NRG3: variants seen among roughly 807,000 people sequenced by gnomAD.
The protein encoded by NRG3 is neuregulin 3.
In NRG3, 31 loss-of-function variants were observed where a neutral mutation model predicts 66.9. That is an observed-to-expected ratio of 0.46 (90% confidence interval 0.35 to 0.63). The LOEUF is 0.63. Among genes scored for constraint, NRG3 ranks in the 20% least tolerant of loss-of-function variants. The pLI, the probability that NRG3 is intolerant of heterozygous loss-of-function variation, is 0.00. For missense variants in NRG3, 910 were observed against 878.9 expected (o/e 1.04, Z -0.45); for synonymous variants, 393 against 359.4 (o/e 1.09, Z -1.06).
At chr10:82,535,066 A>G (rs1204107409) in intron 2 of NRG3, among the ~76,000 whole-genome samples, 2 of 150,728 alleles carry the variant, frequency 1.3e-5, no homozygotes, top group African/African-American at 2.4e-5. Context: ...TAGGTGGGAG[A>G]ACTACTTGAA....
At chr10:82,323,344 A>G (rs892246073) in intron 1 of NRG3, among the ~76,000 whole-genome samples, 1 of 152,230 alleles carries the variant, frequency 6.6e-6, no homozygotes, top group African/African-American at 2.4e-5. Flanking sequence ...CTGGGACCTC[A>G]ATAGTGTCAG....
chr10:82,182,071 C>G (rs2073458492), intron 1 of NRG3, among the ~76,000 whole-genome samples: 1 of 150,756 alleles, frequency 6.6e-6, no homozygotes, highest in Non-Finnish European at 1.5e-5. Context: ...GGCCATCCTG[C>G]TCTATTTTTT....
intron 1 of NRG3, among the ~76,000 whole-genome samples, chr10:82,158,523 A>G (rs1354525606): frequency 6.6e-6 from 1 of 151,784 alleles, no homozygotes; most frequent in Non-Finnish European, 1.5e-5. Flanking sequence ...TAAAATCTCA[A>G]GTCTTTTCAT....
intron 1 of NRG3, among the ~76,000 whole-genome samples, chr10:82,284,574 C>T (rs2079308675): frequency 6.6e-6 from 1 of 152,106 alleles, no homozygotes; most frequent in Non-Finnish European, 1.5e-5. Context: ...TCAACTTTTC[C>T]ACCAAAACAA....
At chr10:82,598,572 A>G (rs531673853) in intron 2 of NRG3, among the ~76,000 whole-genome samples, 6 of 152,346 alleles carry the variant, frequency 3.9e-5, no homozygotes, top group Non-Finnish European at 5.9e-5. Flanking sequence ...GTAATGTCAC[A>G]GAAGCCAAGA....
intron 2 of NRG3, among the ~76,000 whole-genome samples, chr10:82,454,805 T>C (rs998697706): frequency 6.6e-6 from 1 of 152,142 alleles, no homozygotes; most frequent in Non-Finnish European, 1.5e-5. Context: ...AGGCAAATTG[T>C]ATATTTGGGA....
In NRG3 at chr10:82,330,635, T is replaced by A. The variant is rs78415097; in HGVS notation, c.824-28104T>A. On this transcript the variant is annotated intron_variant, in intron 1 of 8. Transcript: ENST00000372141. ...ACAGATTCCATGTGGAAATATGAGG[T>A]CAAAAATTAGAAATATTTTTAAACC... Among the ~76,000 whole-genome samples the A allele has an allele frequency of 1.5e-3, 221 of 152,346 alleles. 4 individuals are homozygous for A. The East Asian group carries it at 0.041, about 28-fold the overall frequency.
chr10:82,818,869 T>C (rs569478221), intron 3 of NRG3, among the ~76,000 whole-genome samples: 2 of 152,336 alleles, frequency 1.3e-5, no homozygotes, highest in Non-Finnish European at 2.9e-5. Flanking sequence ...AAATGTTAAA[T>C]ACATTTGATT....
chr10:82,873,995 A>G (rs1305496422), intron 4 of NRG3, among the ~76,000 whole-genome samples: 1 of 151,760 alleles, frequency 6.6e-6, no homozygotes, highest in East Asian at 1.9e-4. Flanking sequence ...TAATCTTTGT[A>G]TTTTTTAAGT....
intron 3 of NRG3, among the ~76,000 whole-genome samples, chr10:82,861,991 A>G (rs988877023): frequency 7.9e-5 from 12 of 152,198 alleles, no homozygotes; most frequent in African/African-American, 2.9e-4. Flanking sequence ...TGTCCTAGGT[A>G]CCACAGTCAG....
chr10:82,396,480 G>C (rs887106989), intron 2 of NRG3, among the ~76,000 whole-genome samples: 1 of 151,848 alleles, frequency 6.6e-6, no homozygotes, highest in Non-Finnish European at 1.5e-5. Context: ...TTGTCCATTT[G>C]ATAAATGAGT....
chr10:82,797,361 A>G (rs1013552410), intron 3 of NRG3, among the ~76,000 whole-genome samples: 1 of 152,120 alleles, frequency 6.6e-6, no homozygotes, highest in African/African-American at 2.4e-5. Flanking sequence ...CTGCATTTCA[A>G]ATAAACCCCT....
Position 82,368,087 on chromosome 10 carries a change from A to G in NRG3, c.953+9219A>G, listed in dbSNP as rs920820733. Among the ~76,000 whole-genome samples, 3 of 104,832 alleles carry G rather than the reference A, an allele frequency of 2.9e-5. No homozygotes were observed. The South Asian group carries it at 7.5e-4, about 26-fold the overall frequency. The allele number at this position is 104,832 out of a possible 152,430, so 68.8% of individuals were successfully genotyped here. On this transcript the variant is annotated intron_variant, in intron 2 of 8. Coordinates refer to ENST00000372141, the MANE Select transcript of NRG3 (RefSeq NM_001010848.4). ...TCTTATCTGTGAAGTGGGAAAAACA[A>G]TATTACTACTTCCCAGGATTATTTG...
chr10:82,482,686 G>C (rs955030610), intron 2 of NRG3, among the ~76,000 whole-genome samples: 1 of 152,126 alleles, frequency 6.6e-6, no homozygotes, highest in Non-Finnish European at 1.5e-5. Context: ...AGGGCCAGCC[G>C]CCTATTATAA....
At chr10:82,796,526 A>C (rs181156043) in intron 3 of NRG3, among the ~76,000 whole-genome samples, 1 of 152,354 alleles carries the variant, frequency 6.6e-6, no homozygotes, top group East Asian at 1.9e-4. Flanking sequence ...TTGAGAGAAA[A>C]CCAAAATTTA....
At chr10:82,173,890 T>C in intron 1 of NRG3, among the ~76,000 whole-genome samples, 1 of 152,148 alleles carries the variant, frequency 6.6e-6, no homozygotes, top group Non-Finnish European at 1.5e-5. Flanking sequence ...CTGAGACCTT[T>C]AAAGTAATTT....
intron 3 of NRG3, among the ~76,000 whole-genome samples, chr10:82,777,424 T>C (rs1591490978): frequency 6.6e-6 from 1 of 152,156 alleles, no homozygotes; most frequent in African/African-American, 2.4e-5. Flanking sequence ...AGAGTGGCTG[T>C]AGAGCTGAGG....
At chr10:82,543,767 T>C (rs1407745036) in intron 2 of NRG3, among the ~76,000 whole-genome samples, 1 of 152,222 alleles carries the variant, frequency 6.6e-6, no homozygotes, top group East Asian at 1.9e-4. Context: ...AAGGATTCAT[T>C]CGTTCAGCTC....
intron 1 of NRG3, among the ~76,000 whole-genome samples, chr10:81,905,628 A>G (rs908059730): frequency 6.6e-6 from 1 of 152,176 alleles, no homozygotes; most frequent in Non-Finnish European, 1.5e-5. Flanking sequence ...TACTTTTGTC[A>G]TAATTTTTGG....
Sources: gnomAD v4.1 joint callset for allele counts (sites outside exome capture counted in the v4.1 genomes callset) on GRCh38, gnomAD v4.1.1 for gene constraint, MANE v1.5 for transcripts, NCBI Gene and HGNC (gene_info 2026-07-23, HGNC 2026-07-21) for gene names.